The following THAP3 variants were observed in gnomAD, a reference collection of about 807,000 sequenced individuals.
The protein encoded by THAP3 is THAP domain containing 3.
THAP3 carries 12 observed loss-of-function variants against 17.7 expected under a neutral mutation model. The observed-to-expected ratio is 0.68, with a 90% CI of 0.43 to 1.10. The LOEUF is 1.10. Among genes scored for constraint, THAP3 ranks in the 50% least tolerant of loss-of-function variants. THAP3 has a pLI of 0.00. For missense variants in THAP3, 289 were observed against 318.0 expected (o/e 0.91, Z 0.69); for synonymous variants, 133 against 126.9 (o/e 1.05, Z -0.32).
chr1:6,626,008 CTG>C (rs1641461601), intron 2 of THAP3, among the ~76,000 whole-genome samples: 1 of 152,196 alleles, frequency 6.6e-6, no homozygotes, highest in Admixed American at 6.5e-5. Flanking sequence ...GTGAACGTCA[CTG>C]AACTGAAACG....
chr1:6,626,686 A>G (rs899975977), intron 2 of THAP3, among the ~76,000 whole-genome samples: 3 of 152,144 alleles, frequency 2.0e-5, no homozygotes, highest in African/African-American at 7.2e-5. Flanking sequence ...TCTCTACTAC[A>G]AATACAAAAA....
downstream of THAP3, among the ~76,000 whole-genome samples, chr1:6,633,771 G>A (rs910249031): frequency 1.3e-5 from 2 of 152,040 alleles, no homozygotes; most frequent in Non-Finnish European, 2.9e-5. Context: ...TTAGCCAGGC[G>A]TGGTGGCACA....
chr1:6,627,337 G>T (rs567668433), intron 2 of THAP3, among the ~76,000 whole-genome samples: 52 of 152,286 alleles, frequency 3.4e-4, no homozygotes, highest in African/African-American at 1.2e-3. Context: ...AGCCTAAAAA[G>T]CACCTCAAAT....
chr1:6,631,716 C>T (rs1423176510), intron 4 of THAP3, among the ~76,000 whole-genome samples: 3 of 151,908 alleles, frequency 2.0e-5, no homozygotes, highest in Non-Finnish European at 1.5e-5. Context: ...ACCAGCCTGG[C>T]GAAACCCCGT....
chr1:6,633,952 T>C, downstream of THAP3: 3 of 1,411,000 alleles, frequency 2.1e-6, no homozygotes, highest in Non-Finnish European at 2.0e-6. Context: ...GTCTAATTTA[T>C]AGCTTTAGTG....
In THAP3 at chr1:6,633,152, T is replaced by C. The variant is rs1641675278; in HGVS notation, c.*75T>C. Reference sequence around the variant, plus strand: ...AGCTTTGGAGCTCTGGCTGTGGACATTTTTGTCTGCTGTGGACACTGAGAA... The same window carrying C: ...AGCTTTGGAGCTCTGGCTGTGGACACTTTTGTCTGCTGTGGACACTGAGAA... On this transcript the variant is annotated 3_prime_UTR_variant, in exon 6 of 6. Transcript: ENST00000054650. 3 of 1,516,238 alleles carry C rather than the reference T, an allele frequency of 2.0e-6. No homozygotes were observed. The highest frequency in any genetic ancestry group is 2.5e-5 in the South Asian group (2 of 79,304). The allele number at this position is 1,516,238 out of a possible 1,614,324, so 93.9% of individuals were successfully genotyped here. A position where few individuals can be genotyped will look rare whatever the true frequency, so the allele number is the denominator to read the frequency against.
chr1:6,628,200 C>A (rs992777854), intron 2 of THAP3: 1 of 360,922 alleles, frequency 2.8e-6, no homozygotes, highest in Admixed American at 4.5e-5. Flanking sequence ...TGTCTCATTA[C>A]CCCCCATCCC....
chr1:6,626,907 A>G (rs943702392), intron 2 of THAP3, among the ~76,000 whole-genome samples: 4 of 152,192 alleles, frequency 2.6e-5, no homozygotes, highest in Non-Finnish European at 5.9e-5. Context: ...GTTGCAGTGC[A>G]TCTATCTGTT....
At chr1:6,626,627 C>T (rs1641476602) in intron 2 of THAP3, among the ~76,000 whole-genome samples, 1 of 152,208 alleles carries the variant, frequency 6.6e-6, no homozygotes, top group African/African-American at 2.4e-5. Flanking sequence ...CACCTGAGGT[C>T]AGGAGTTGGA....
chr1:6,626,733 C>T (rs888539838), intron 2 of THAP3, among the ~76,000 whole-genome samples: 6 of 152,362 alleles, frequency 3.9e-5, no homozygotes, highest in Admixed American at 2.0e-4. Context: ...GAAATCCCAG[C>T]TACTCAGGAG....
At position 6,625,235 on chromosome 1, in the gene THAP3, C is replaced by T; in HGVS notation, c.17C>T (p.Ala6Val). 1.3e-6 allele frequency: 2 copies of T among 1,544,142 alleles called. No individual in the cohort carries two copies. The highest frequency in any genetic ancestry group is 5.0e-5 in the East Asian group (2 of 40,210). Residue 6 changes from alanine (A) to valine (V), a missense_variant, in exon 2 of 6, where the codon GCG (alanine) becomes GTG (valine). Coordinates refer to ENST00000054650, the MANE Select transcript of THAP3 (RefSeq NM_001195753.2). The stretch of plus-strand genomic sequence containing the variant: ...TGGCTCGAGATGCCGAAGTCGTGCG[C>T]GGCCCGGCAGTGCTGCAACCGCTAC... MPKSCAARQCCNRYSS... is the reference protein window; with the variant it reads MPKSCVARQCCNRYSS...
chr1:6,632,664 G>T (rs779305332), intron 5 of THAP3, 132 bp from the exon 6 acceptor site: 30 of 1,439,904 alleles, frequency 2.1e-5, no homozygotes, highest in Non-Finnish European at 2.8e-5. Context: ...GGGCACATCT[G>T]GATTTTGGGG....
At chr1:6,635,594 T>C (rs940896674), downstream of THAP3, 1 of 1,420,550 alleles carries the variant, frequency 7.0e-7, no homozygotes, top group Non-Finnish European at 9.8e-7. Flanking sequence ...ACATCTGATG[T>C]CTGGGTTTTT....
Position 6,632,389 on chromosome 1 carries a change from A to C in THAP3, c.334-2A>C. 1 of 1,613,532 alleles carries C rather than the reference A, an allele frequency of 6.2e-7. No homozygotes were observed. Among genetic ancestry groups the C allele is most frequent in the Non-Finnish European group, 8.5e-7 (1 of 1,179,902 alleles). ...GTGCAGACTTCACCCTGCCGTTCCC[A>C]GGTCCTCCCTGAGGCGGGGGCCGGA... On this transcript the variant is annotated splice_acceptor_variant, in intron 4 of 5. Transcript: ENST00000054650. LOFTEE classifies it high-confidence loss of function.
chr1:6,634,667 G>A (rs778503586), downstream of THAP3: 7 of 1,366,392 alleles, frequency 5.1e-6, no homozygotes, highest in South Asian at 8.0e-5. Context: ...TAGCTCCGCT[G>A]CATTCTGCAT....
intron 3 of THAP3, among the ~76,000 whole-genome samples, chr1:6,628,974 G>A (rs1374845868): frequency 6.6e-6 from 1 of 152,242 alleles, no homozygotes; most frequent in Non-Finnish European, 1.5e-5. Flanking sequence ...GGCAGAGGTG[G>A]GTGGATCACC....
intron 2 of THAP3, among the ~76,000 whole-genome samples, chr1:6,625,786 AGTC>A (rs1570238407): frequency 1.3e-5 from 2 of 152,114 alleles, no homozygotes; most frequent in East Asian, 3.9e-4. Flanking sequence ...AATCGTCATT[AGTC>A]ACAGTTGCGC....
At chr1:6,634,508 CCCCCCGCG>C (rs1461702281), downstream of THAP3, 1 of 1,348,984 alleles carries the variant, frequency 7.4e-7, no homozygotes, top group Non-Finnish European at 9.9e-7. Flanking sequence ...CAGCTTGGGG[CCCCCCGCG>C]CCAGCTGTCT....
At chr1:6,632,213 C>CAAA (rs34491693) in intron 4 of THAP3, among the ~76,000 whole-genome samples, 178 bp from the exon 5 acceptor site, 3 of 144,034 alleles carry the variant, frequency 2.1e-5, no homozygotes, top group Non-Finnish European at 4.6e-5. Context: ...GAGACTGTCT[C>CAAA]AAAAAAAAAA....
Sources: gnomAD v4.1 joint callset for allele counts (sites outside exome capture counted in the v4.1 genomes callset) on GRCh38, gnomAD v4.1.1 for gene constraint, MANE v1.5 for transcripts, NCBI Gene and HGNC (gene_info 2026-07-23, HGNC 2026-07-21) for gene names.